Variants in PBX1 observed in about 807,000 individuals in gnomAD.
PBX1 encodes the protein PBX homeobox 1.
In PBX1, 6 loss-of-function variants were observed where a neutral mutation model predicts 53.4. That is an observed-to-expected ratio of 0.11 (90% CI 0.06 to 0.22). The LOEUF is 0.22. Among genes scored for constraint, PBX1 ranks in the 10% least tolerant of loss-of-function variants. The pLI, the probability that PBX1 is intolerant of heterozygous loss-of-function variation, is 1.00. For synonymous variants in PBX1, 204 were observed against 212.3 expected (o/e 0.96, Z 0.34); for missense variants, 251 against 551.4 (o/e 0.46, Z 5.46).
intron 3 of PBX1, among the ~76,000 whole-genome samples, chr1:164,797,953 T>C (rs1012754480): frequency 6.6e-5 from 10 of 152,340 alleles, no homozygotes; most frequent in African/African-American, 2.4e-4. Flanking sequence ...CTCTGCTGTG[T>C]TCATGTGAGG....
intron 8 of PBX1, among the ~76,000 whole-genome samples, chr1:164,824,861 C>G (rs921500524): frequency 6.6e-6 from 1 of 152,196 alleles, no homozygotes; most frequent in Non-Finnish European, 1.5e-5. Flanking sequence ...CTCACTGCCA[C>G]CATCCTAGTT....
At chr1:164,737,459 A>C (rs1665357060) in intron 2 of PBX1, among the ~76,000 whole-genome samples, 1 of 151,202 alleles carries the variant, frequency 6.6e-6, no homozygotes, top group Admixed American at 6.6e-5. Context: ...TTTTTATTTT[A>C]TTTTACTTGT....
Position 164,847,659 on chromosome 1 carries a change from A to G in PBX1, c.*983A>G, listed in dbSNP as rs934843287. ...CACATGTAGGCACATGTACCATCTC[A>G]CATCTTCACTTTCCCGAGATGCCAT... is the stretch of plus-strand genomic sequence containing the variant. On this transcript the variant is annotated 3_prime_UTR_variant, in exon 9 of 9. Transcript: ENST00000420696. The G allele has an allele frequency of 9.5e-7, 1 of 1,056,338 alleles. No homozygotes were observed. The highest frequency in any genetic ancestry group is 1.1e-6 in the Non-Finnish European group (1 of 873,142). The allele number at this position is 1,056,338 out of a possible 1,614,324, so 65.4% of individuals were successfully genotyped here.
intron 2 of PBX1, among the ~76,000 whole-genome samples, chr1:164,697,678 C>CT (rs1305000864): frequency 6.6e-6 from 1 of 152,160 alleles, no homozygotes; most frequent in Non-Finnish European, 1.5e-5. Flanking sequence ...TTGAGGTCAC[C>CT]TTTACTTTTC....
intron 2 of PBX1, among the ~76,000 whole-genome samples, chr1:164,583,589 C>T (rs1654767579): frequency 6.6e-6 from 1 of 152,080 alleles, no homozygotes; most frequent in African/African-American, 2.4e-5. Context: ...AACATGGTTC[C>T]TAAGAAGGCC....
intron 2 of PBX1, among the ~76,000 whole-genome samples, chr1:164,865,342 AG>A (rs1259626116): frequency 6.6e-6 from 1 of 152,262 alleles, no homozygotes; most frequent in Non-Finnish European, 1.5e-5. Context: ...GAGAAAAGTT[AG>A]GATTGAGATC....
intron 2 of PBX1, among the ~76,000 whole-genome samples, chr1:164,651,266 G>A (rs1402852920): frequency 6.6e-6 from 1 of 152,090 alleles, no homozygotes; most frequent in Non-Finnish European, 1.5e-5. Context: ...CAGGGGAGGG[G>A]GTGGTGGAGG....
At chr1:164,750,498 G>GA (rs1359552831) in intron 2 of PBX1, among the ~76,000 whole-genome samples, 1 of 151,980 alleles carries the variant, frequency 6.6e-6, no homozygotes, top group Non-Finnish European at 1.5e-5. Context: ...GCCCACAATA[G>GA]AAAAAATAGA....
intron 2 of PBX1, among the ~76,000 whole-genome samples, chr1:164,752,032 G>A (rs1215711755): frequency 2.7e-5 from 4 of 150,408 alleles, no homozygotes; most frequent in African/African-American, 9.9e-5. Context: ...AAAGATTTGA[G>A]AAACACTGCT....
rs112802941 is a variant in PBX1, at chr1:164,686,575, T to TG, written c.266-105915dup. Among the ~76,000 whole-genome samples, 3 of 152,152 alleles carry TG rather than the reference T, an allele frequency of 2.0e-5. No homozygotes were observed. In the East Asian group the frequency reaches 5.8e-4, roughly 29 times the overall value. Reference sequence around the variant, plus strand: ...AGAAAGGAGAGGTTGGATGATAGAATGGGGAAGGGATTCCTCCTTGTGTTC... The same window carrying TG: ...AGAAAGGAGAGGTTGGATGATAGAATGGGGGAAGGGATTCCTCCTTGTGTTC... On this transcript the variant is annotated intron_variant, in intron 2 of 8. Coordinates refer to ENST00000420696, the MANE Select transcript of PBX1 (RefSeq NM_002585.4).
intron 2 of PBX1, among the ~76,000 whole-genome samples, chr1:164,583,930 T>G (rs1013826439): frequency 3.3e-5 from 5 of 152,174 alleles, no homozygotes; most frequent in African/African-American, 1.2e-4. Context: ...AGCATAGCAC[T>G]TAACCCACAA....
At chr1:164,816,781 T>TATC (rs1418163346) in intron 6 of PBX1, 1 of 152,080 alleles carries the variant, frequency 6.6e-6, no homozygotes, top group East Asian at 1.9e-4. Context: ...GTTTAAGCTT[T>TATC]ATCATTATTA....
At position 164,653,027 on chromosome 1, in the gene PBX1, C is replaced by T. The variant is rs892298523; in HGVS notation, c.265+89716C>T. Among the ~76,000 whole-genome samples the T allele has an allele frequency of 5.3e-5, 8 of 152,064 alleles. No homozygotes were observed. In the South Asian group the frequency reaches 6.2e-4, roughly 12 times the overall value. On this transcript the variant is annotated intron_variant, in intron 2 of 8. Transcript: ENST00000420696. Reference sequence around the variant, plus strand: ...GATTACAGGTGTGCGCCACCACACCCGGCTAATTTTTGCATTTTTTGTAGA... The same window carrying T: ...GATTACAGGTGTGCGCCACCACACCTGGCTAATTTTTGCATTTTTTGTAGA...
chr1:164,866,891 A>G (rs963440406), intron 2 of PBX1, among the ~76,000 whole-genome samples: 9 of 152,278 alleles, frequency 5.9e-5, no homozygotes, highest in Non-Finnish European at 1.3e-4. Flanking sequence ...AGCTGGACAC[A>G]ACCCTATGCC....
Position 164,846,842 on chromosome 1 carries a change from A to C in PBX1, c.*166A>C. ...CTTCTTTGGGATGCTATTTCAGCCA[A>C]TCTGGACACTTCTTTATACTCTCTT... is the stretch of plus-strand genomic sequence containing the variant. On this transcript the variant is annotated 3_prime_UTR_variant, in exon 9 of 9. Transcript: ENST00000420696. The C allele has an allele frequency of 1.4e-6, 2 of 1,459,320 alleles. No individual in the cohort carries two copies. The highest frequency in any genetic ancestry group is 1.8e-6 in the Non-Finnish European group (2 of 1,108,662). 90.4% of individuals were successfully genotyped at this position (1,459,320 alleles called of 1,614,324 possible).
chr1:164,781,362 A>G (rs1667925934), intron 2 of PBX1, among the ~76,000 whole-genome samples: 1 of 152,154 alleles, frequency 6.6e-6, no homozygotes, highest in Non-Finnish European at 1.5e-5. Flanking sequence ...TCTGTACCTG[A>G]CAAATTGAGC....
intron 2 of PBX1, among the ~76,000 whole-genome samples, chr1:164,677,112 G>T: frequency 7.2e-6 from 1 of 138,596 alleles, no homozygotes. Context: ...TTAAGACGGA[G>T]TCTCGCTCTG....
At chr1:164,591,815 C>T (rs1009064420) in intron 2 of PBX1, among the ~76,000 whole-genome samples, 3 of 152,162 alleles carry the variant, frequency 2.0e-5, no homozygotes, top group Non-Finnish European at 4.4e-5. Flanking sequence ...CTGAGAGTAA[C>T]TTGGTGATAG....
intron 3 of PBX1, among the ~76,000 whole-genome samples, chr1:164,794,467 T>A (rs1310296443): frequency 6.6e-6 from 1 of 150,714 alleles, no homozygotes; most frequent in East Asian, 2.0e-4. Context: ...GTAGGGAGGG[T>A]GAAGGGGAGG....
Sources: gnomAD v4.1 joint callset for allele counts (sites outside exome capture counted in the v4.1 genomes callset) on GRCh38, gnomAD v4.1.1 for gene constraint, MANE v1.5 for transcripts, NCBI Gene and HGNC (gene_info 2026-07-23, HGNC 2026-07-21) for gene names.